Variants in UHRF2 observed in about 807,000 individuals in gnomAD.
UHRF2 encodes the protein E3 ubiquitin-protein ligase UHRF2.
In UHRF2, 23 loss-of-function variants were observed where a neutral mutation model predicts 96.8. That is an observed-to-expected ratio of 0.24 (90% CI 0.17 to 0.34). The LOEUF is 0.34. Ranked by LOEUF, UHRF2 falls within the 10% of genes least tolerant of loss-of-function variation. The probability of loss-of-function intolerance (pLI) is 1.00; values close to 1 mark genes in which losing one functional copy is unlikely to be tolerated. For synonymous variants in UHRF2, 385 were observed against 332.6 expected (o/e 1.16, Z -1.72); for missense variants, 685 against 981.5 (o/e 0.70, Z 4.04).
At chr9:6,442,599 C>T (rs1193776163) in intron 3 of UHRF2, among the ~76,000 whole-genome samples, 3 of 152,032 alleles carry the variant, frequency 2.0e-5, no homozygotes, top group Non-Finnish European at 2.9e-5. Context: ...CTGCCTCCGC[C>T]TCTCATGTAG....
Position 6,486,979 on chromosome 9 carries a change from T to C in UHRF2, c.1497+54T>C, listed in dbSNP as rs1824327298. Reference sequence around the variant, plus strand: ...GTACCTGCCTTGACCATTTGTAAAATAGAATAGCTTTGCCTAGGATACATC... The same window carrying C: ...GTACCTGCCTTGACCATTTGTAAAACAGAATAGCTTTGCCTAGGATACATC... On this transcript the variant is annotated intron_variant, in intron 9 of 15. Coordinates refer to ENST00000276893, the MANE Select transcript of UHRF2 (RefSeq NM_152896.3). 5.2e-6 allele frequency: 8 copies of C among 1,539,138 alleles called. No homozygotes were observed. In the East Asian group the frequency reaches 1.4e-4, roughly 26 times the overall value.
intron 14 of UHRF2, among the ~76,000 whole-genome samples, chr9:6,502,524 G>A (rs954012671): frequency 6.6e-6 from 1 of 152,192 alleles, no homozygotes; most frequent in Non-Finnish European, 1.5e-5. Flanking sequence ...CTGGGCTCAG[G>A]CAATCCTCCC....
Position 6,460,806 on chromosome 9 carries a change from A to G in UHRF2, c.863+15A>G, listed in dbSNP as rs200854275. The stretch of plus-strand genomic sequence containing the variant: ...ATTTTCCTGGGGTAAGATTGTCTTC[A>G]CTGGTGCCATTTAATTAACTGAATT... On this transcript the variant is annotated intron_variant, in intron 4 of 15. Transcript: ENST00000276893. 164 of 1,599,570 alleles carry G rather than the reference A, an allele frequency of 1.0e-4. No homozygotes were observed. Among genetic ancestry groups the G allele is most frequent in the Non-Finnish European group, 1.2e-4 (143 of 1,171,686 alleles).
intron 12 of UHRF2, 133 bp from the exon 13 acceptor site, chr9:6,499,702 C>A (rs1290142245): frequency 4.0e-6 from 2 of 505,966 alleles, no homozygotes; most frequent in Non-Finnish European, 7.1e-6. Context: ...ATGTCTGTTT[C>A]TTTTATGTAA....
In UHRF2 at chr9:6,420,803, T is replaced by TA. The variant is rs1166520886; in HGVS notation, c.154-106dup. On this transcript the variant is annotated intron_variant, in intron 1 of 15. Transcript: ENST00000276893. ...GTATTAAGAATGGTTTTAAAATCTCTAAACTGTAGTGCTATGGATTTTAAG... is the reference window on the plus strand; with the variant it reads ...GTATTAAGAATGGTTTTAAAATCTCTAAAACTGTAGTGCTATGGATTTTAAG... The TA allele has an allele frequency of 1.2e-5, 10 of 823,584 alleles. No individual in the cohort carries two copies. In the Admixed American group the frequency reaches 2.2e-4, roughly 18 times the overall value. 51.0% of individuals were successfully genotyped at this position (823,584 alleles called of 1,614,324 possible).
At chr9:6,493,024 G>T (rs748483188) in intron 9 of UHRF2, among the ~76,000 whole-genome samples, 1 of 152,074 alleles carries the variant, frequency 6.6e-6, no homozygotes, top group Non-Finnish European at 1.5e-5. Context: ...AAGCCAGGGC[G>T]CAGTGGGTCA....
chr9:6,436,222 G>A (rs570102082), intron 3 of UHRF2, among the ~76,000 whole-genome samples: 1 of 152,216 alleles, frequency 6.6e-6, no homozygotes, highest in South Asian at 2.1e-4. Flanking sequence ...CAGGATATCT[G>A]GAAATGAATC....
chr9:6,456,209 C>G (rs1047532574), intron 3 of UHRF2, among the ~76,000 whole-genome samples: 2 of 152,074 alleles, frequency 1.3e-5, no homozygotes, highest in African/African-American at 4.8e-5. Context: ...TTTTTCCTGA[C>G]TTTTTAATGA....
rs1439847811 is a variant in UHRF2, at chr9:6,471,455, T to A, written c.864-3936T>A. ...CACTAGGGTGGCTCTTTGTGACCAA[T>A]AGAATATGGTGTAAGTGATGCTGTA... On this transcript the variant is annotated intron_variant, in intron 4 of 15. Coordinates refer to ENST00000276893, the MANE Select transcript of UHRF2 (RefSeq NM_152896.3). Among the ~76,000 whole-genome samples the A allele has an allele frequency of 2.0e-5, 3 of 152,122 alleles. No individual in the cohort carries two copies. The East Asian group carries it at 5.8e-4, about 29-fold the overall frequency.
chr9:6,450,587 A>AT (rs1242036185), intron 3 of UHRF2, among the ~76,000 whole-genome samples: 2 of 152,152 alleles, frequency 1.3e-5, no homozygotes, highest in East Asian at 3.9e-4. Flanking sequence ...TACACTCAAA[A>AT]TTTGTTACCA....
At chr9:6,454,107 G>A (rs1174905100) in intron 3 of UHRF2, among the ~76,000 whole-genome samples, 1 of 152,152 alleles carries the variant, frequency 6.6e-6, no homozygotes, top group Admixed American at 6.5e-5. Flanking sequence ...ATGAGATACA[G>A]TTACCATTAG....
intron 3 of UHRF2, among the ~76,000 whole-genome samples, chr9:6,439,976 C>A (rs1422522204): frequency 1.3e-5 from 2 of 152,136 alleles, no homozygotes; most frequent in Non-Finnish European, 2.9e-5. Flanking sequence ...ATCAAATTTT[C>A]TTGTTTCATT....
intron 9 of UHRF2, among the ~76,000 whole-genome samples, chr9:6,492,009 A>G (rs1824689422): frequency 6.6e-6 from 1 of 152,222 alleles, no homozygotes; most frequent in South Asian, 2.1e-4. Flanking sequence ...CTGGGATTAC[A>G]GGCATGAATC....
intron 4 of UHRF2, among the ~76,000 whole-genome samples, chr9:6,469,874 A>T (rs1439923387): frequency 6.6e-6 from 1 of 151,986 alleles, no homozygotes; most frequent in African/African-American, 2.4e-5. Flanking sequence ...GTAGCCCAAA[A>T]TTTCCAAAAC....
At position 6,475,735 on chromosome 9, in the gene UHRF2, T is replaced by C. The variant is rs549255911; in HGVS notation, c.973+235T>C. On this transcript the variant is annotated intron_variant, in intron 5 of 15. Transcript: ENST00000276893. ...TGGTATTTTATTGCTATTATTTTATTTTAAAAATATTTATGGATATATAAT... is the reference window on the plus strand; with the variant it reads ...TGGTATTTTATTGCTATTATTTTATCTTAAAAATATTTATGGATATATAAT... 1.8e-4 allele frequency among the ~76,000 whole-genome samples: 28 copies of C among 152,290 alleles called. No homozygotes were observed. The South Asian group carries it at 5.6e-3, about 30-fold the overall frequency.
chr9:6,444,862 A>G lies in UHRF2; in HGVS notation c.644+10689A>G, dbSNP rs7037825. Among the ~76,000 whole-genome samples, 687 of 152,056 alleles carry G rather than the reference A, an allele frequency of 4.5e-3. 6 individuals are homozygous for G. The highest frequency in any genetic ancestry group is 0.016 in the African/African-American group (648 of 41,512). ...GGTGATTGACCTGCCCCGGCCTCCC[A>G]AAGTGCTGGGATTACAGGCATGAGC... On this transcript the variant is annotated intron_variant, in intron 3 of 15. Transcript: ENST00000276893.
intron 5 of UHRF2, 121 bp from the exon 6 acceptor site, chr9:6,477,500 TG>T: frequency 1.1e-6 from 1 of 899,144 alleles, no homozygotes; most frequent in Non-Finnish European, 1.6e-6. Flanking sequence ...CACTCCAGCC[TG>T]GGTAACAAGA....
At chr9:6,464,151 A>G (rs753787687) in intron 4 of UHRF2, among the ~76,000 whole-genome samples, 1 of 152,064 alleles carries the variant, frequency 6.6e-6, no homozygotes, top group African/African-American at 2.4e-5. Flanking sequence ...ATGTAATAGT[A>G]TTTCATTTTG....
chr9:6,482,339 T>TA (rs1021657510), intron 8 of UHRF2, among the ~76,000 whole-genome samples: 4 of 152,212 alleles, frequency 2.6e-5, no homozygotes, highest in Non-Finnish European at 5.9e-5. Flanking sequence ...GTTGTGGTAG[T>TA]AACCATTATT....
Sources: allele counts gnomAD v4.1 joint callset (sites outside exome capture counted in the v4.1 genomes callset), GRCh38; gene constraint gnomAD v4.1.1; transcripts MANE v1.5; gene names NCBI Gene and HGNC (gene_info 2026-07-23, HGNC 2026-07-21).